KCNK2: variants seen among roughly 807,000 people sequenced by gnomAD.
The protein encoded by KCNK2 is potassium channel subfamily K member 2.
KCNK2 carries 21 observed loss-of-function variants against 40.5 expected under a neutral mutation model. That is an observed-to-expected ratio of 0.52 (90% CI 0.37 to 0.75). The LOEUF (loss-of-function observed/expected upper bound fraction) is 0.75, where lower values mean the gene tolerates loss of function less well. Among genes scored for constraint, KCNK2 ranks in the 30% least tolerant of loss-of-function variants. KCNK2 has a pLI of 0.00. For missense variants in KCNK2, 399 were observed against 531.6 expected, an observed-to-expected ratio of 0.75 and a Z score of 2.45; for synonymous variants, 191 against 202.2, an observed-to-expected ratio of 0.94 and a Z score of 0.47.
At chr1:215,139,775 A>G (rs759797622) in intron 3 of KCNK2, among the ~76,000 whole-genome samples, 4 of 152,156 alleles carry the variant, frequency 2.6e-5, no homozygotes, top group Non-Finnish European at 5.9e-5. Flanking sequence ...TTAATCCAGT[A>G]CCAGTTTTTA....
chr1:215,110,086 G>A (rs1660613914), intron 2 of KCNK2, among the ~76,000 whole-genome samples: 2 of 151,828 alleles, frequency 1.3e-5, no homozygotes, highest in African/African-American at 4.8e-5. Context: ...TTGTTGGGTT[G>A]AGTTTCTTGC....
At position 215,139,326 on chromosome 1, in the gene KCNK2, G is replaced by A. The variant is rs570654734; in HGVS notation, c.475+14576G>A. 3.3e-5 allele frequency among the ~76,000 whole-genome samples: 5 copies of A among 152,224 alleles called. No homozygotes were observed. The South Asian group carries it at 1.0e-3, about 32-fold the overall frequency. ...ATACAAGTGAAGCTCACTATATCTT[G>A]CTACCTCCACATAATAAGAGGTCAT... On this transcript the variant is annotated intron_variant, in intron 3 of 6. Coordinates refer to ENST00000444842, the MANE Select transcript of KCNK2 (RefSeq NM_001017425.3).
chr1:215,006,767 A>G (rs1448300917), intron 1 of KCNK2, among the ~76,000 whole-genome samples: 1 of 151,848 alleles, frequency 6.6e-6, no homozygotes, highest in East Asian at 1.9e-4. Context: ...TTGTATAGTA[A>G]TCATTTTACA....
chr1:215,164,910 C>A (rs929139808), intron 3 of KCNK2, among the ~76,000 whole-genome samples: 4 of 152,094 alleles, frequency 2.6e-5, no homozygotes, highest in African/African-American at 9.7e-5. Flanking sequence ...GAGTGCCTGG[C>A]AAATAGTAGA....
chr1:215,214,870 T>C (rs762843429), intron 6 of KCNK2, among the ~76,000 whole-genome samples: 1 of 151,952 alleles, frequency 6.6e-6, no homozygotes, highest in Non-Finnish European at 1.5e-5. Flanking sequence ...AAAAAAATCA[T>C]GTCTATATGG....
intron 1 of KCNK2, among the ~76,000 whole-genome samples, chr1:215,070,797 A>G (rs1389641425): frequency 1.3e-5 from 2 of 152,130 alleles, no homozygotes; most frequent in Non-Finnish European, 2.9e-5. Context: ...TTAGTAGAGG[A>G]AGCCAGACAT....
chr1:215,173,623 C>A (rs1302583362), intron 5 of KCNK2, among the ~76,000 whole-genome samples: 3 of 152,196 alleles, frequency 2.0e-5, no homozygotes, highest in African/African-American at 7.2e-5. Flanking sequence ...ATATCCTCTC[C>A]AGCACCTGTT....
intron 3 of KCNK2, among the ~76,000 whole-genome samples, chr1:215,135,776 C>T (rs1045150160): frequency 6.6e-6 from 1 of 151,814 alleles, no homozygotes; most frequent in Non-Finnish European, 1.5e-5. Flanking sequence ...GCTCTGTCAC[C>T]CAGGCTGGAG....
chr1:215,165,554 T>C (rs936924356), intron 3 of KCNK2, among the ~76,000 whole-genome samples: 3 of 152,148 alleles, frequency 2.0e-5, no homozygotes, highest in East Asian at 3.9e-4. Context: ...TTAATAGTGA[T>C]TATAAGAATT....
chr1:215,005,902 C>G (rs1656110193), exon 1 of KCNK2: 1 of 1,611,398 alleles, frequency 6.2e-7, no homozygotes, highest in African/African-American at 1.3e-5. Flanking sequence ...CATGATGACT[C>G]CTGATGAAAA....
At chr1:215,119,550 T>A (rs1661090323) in intron 2 of KCNK2, among the ~76,000 whole-genome samples, 1 of 152,182 alleles carries the variant, frequency 6.6e-6, no homozygotes, top group Non-Finnish European at 1.5e-5. Context: ...CCTATACTTG[T>A]CTATAAACGG....
chr1:215,125,218 C>CT (rs912050481), intron 3 of KCNK2, among the ~76,000 whole-genome samples: 8 of 151,324 alleles, frequency 5.3e-5, no homozygotes, highest in Admixed American at 1.3e-4. Context: ...TACTTCAGGG[C>CT]TTTTTTTTTA....
intron 2 of KCNK2, among the ~76,000 whole-genome samples, chr1:215,090,735 T>G: frequency 6.6e-6 from 1 of 152,346 alleles, no homozygotes; most frequent in East Asian, 1.9e-4. Flanking sequence ...TTTTTTGTTT[T>G]CTAATTTGAG....
chr1:215,148,087 T>C (rs1433697607), intron 3 of KCNK2, among the ~76,000 whole-genome samples: 35 of 142,674 alleles, frequency 2.5e-4, no homozygotes, highest in Non-Finnish European at 4.3e-4. Context: ...TTCCTTTTTT[T>C]TTTTTTTTTT....
chr1:215,075,908 G>A (rs920583777), intron 1 of KCNK2, among the ~76,000 whole-genome samples: 41 of 152,156 alleles, frequency 2.7e-4, no homozygotes, highest in African/African-American at 9.2e-4. Flanking sequence ...CAGAATAACC[G>A]GGGAACTTGT....
chr1:215,137,087 G>A (rs1376771118), intron 3 of KCNK2, among the ~76,000 whole-genome samples: 1 of 152,028 alleles, frequency 6.6e-6, no homozygotes, highest in Non-Finnish European at 1.5e-5. Context: ...CAGTGAAATT[G>A]TCTCAAAATA....
intron 6 of KCNK2, among the ~76,000 whole-genome samples, chr1:215,207,693 C>A (rs1538547): frequency 0.5 from 76,354 of 152,042 alleles, 20,760 homozygotes; most frequent in East Asian, 0.66. Context: ...TCCCATCCAG[C>A]ATATCAAGTT....
intron 1 of KCNK2, among the ~76,000 whole-genome samples, chr1:215,067,445 G>T (rs1256426715): frequency 6.6e-6 from 1 of 152,116 alleles, no homozygotes; most frequent in African/African-American, 2.4e-5. Context: ...CAAGAGGGAA[G>T]AGGGATATAA....
chr1:215,020,099 C>G (rs932594335), intron 1 of KCNK2, among the ~76,000 whole-genome samples: 1 of 152,080 alleles, frequency 6.6e-6, no homozygotes, highest in African/African-American at 2.4e-5. Flanking sequence ...ACATTTTCTA[C>G]CATTTCTGCC....
Sources: gnomAD v4.1 joint callset for allele counts (sites outside exome capture counted in the v4.1 genomes callset) on GRCh38, gnomAD v4.1.1 for gene constraint, MANE v1.5 for transcripts, NCBI Gene and HGNC (gene_info 2026-07-23, HGNC 2026-07-21) for gene names.